Variants in UBE3B observed in about 807,000 individuals in gnomAD.
The protein encoded by UBE3B is ubiquitin-protein ligase E3B.
In UBE3B, 80 loss-of-function variants were observed where a neutral mutation model predicts 132.3. That is an observed-to-expected ratio of 0.60 (90% confidence interval 0.50 to 0.73). UBE3B has a LOEUF of 0.73. Ranked by LOEUF, UBE3B falls within the 30% of genes least tolerant of loss-of-function variation. UBE3B has a pLI of 0.00. For missense variants in UBE3B, 1,196 were observed against 1,362.5 expected, an observed-to-expected ratio of 0.88 and a Z score of 1.92; for synonymous variants, 487 against 520.4, an observed-to-expected ratio of 0.94 and a Z score of 0.87.
intron 18 of UBE3B, among the ~76,000 whole-genome samples, chr12:109,512,323 G>A (rs1290437315): frequency 5.3e-5 from 8 of 152,128 alleles, no homozygotes; most frequent in Admixed American, 2.0e-4. Flanking sequence ...TGCAGGACCC[G>A]TCCCACAGAG....
intron 24 of UBE3B, among the ~76,000 whole-genome samples, chr12:109,527,800 G>T (rs1566113134): frequency 6.6e-6 from 1 of 152,212 alleles, no homozygotes; most frequent in Non-Finnish European, 1.5e-5. Flanking sequence ...CTTTAGGGGG[G>T]TGCTTGTAGG....
chr12:109,543,925 C>T, the UBE3B span, among the ~76,000 whole-genome samples: 1 of 152,050 alleles, frequency 6.6e-6, no homozygotes, highest in African/African-American at 2.4e-5. Flanking sequence ...CAAAGCAAGC[C>T]TAGCAGTGTA....
At position 109,490,023 on chromosome 12, in the gene UBE3B, C is replaced by A. The variant is rs201243745; in HGVS notation, c.630+19C>A. 233 of 1,611,162 alleles carry A rather than the reference C, an allele frequency of 1.4e-4. No individual in the cohort carries two copies. The East Asian group carries it at 1.5e-3, about 10-fold the overall frequency. On this transcript the variant is annotated intron_variant, in intron 8 of 27. Coordinates refer to ENST00000342494, the MANE Select transcript of UBE3B (RefSeq NM_130466.4). ...GCTGCAGGTCTGTGACTCCTGCCCC[C>A]CAGTGTGCAACTTCTCCACTCTCCA...
chr12:109,494,602 A>T (rs1338575654), intron 9 of UBE3B, among the ~76,000 whole-genome samples: 1 of 152,230 alleles, frequency 6.6e-6, no homozygotes, highest in Non-Finnish European at 1.5e-5. Context: ...CAGTGCACTT[A>T]TAGACTTTGT....
the UBE3B span, among the ~76,000 whole-genome samples, chr12:109,547,064 T>C: frequency 6.7e-6 from 1 of 150,204 alleles, no homozygotes; most frequent in African/African-American, 2.5e-5. The surrounding 1 kb of genome is among the most constrained non-coding windows in gnomAD (Gnocchi z 4.1). Context: ...AATAAGATAA[T>C]TTCTGGTGTG....
intron 14 of UBE3B, among the ~76,000 whole-genome samples, chr12:109,505,730 G>C (rs1038265015): frequency 1.3e-5 from 2 of 152,172 alleles, no homozygotes; most frequent in African/African-American, 4.8e-5. Context: ...TCACTAAATT[G>C]ATACAATTCT....
At chr12:109,508,779 G>C (rs1379030219) in intron 15 of UBE3B, 1 of 977,660 alleles carries the variant, frequency 1.0e-6, no homozygotes, top group Non-Finnish European at 1.2e-6. Context: ...TGTTCAGATA[G>C]AGCTGTGTCT....
intron 19 of UBE3B, chr12:109,518,088 C>T (rs955843156): frequency 1.1e-5 from 3 of 277,250 alleles, no homozygotes; most frequent in Non-Finnish European, 2.3e-5. Flanking sequence ...GAGTGGGTCT[C>T]ATTACAGGAG....
In UBE3B at chr12:109,526,012, T is replaced by C. The variant is rs549377592; in HGVS notation, c.2569-346T>C. On this transcript the variant is annotated intron_variant, in intron 23 of 27. Coordinates refer to ENST00000342494, the MANE Select transcript of UBE3B (RefSeq NM_130466.4). ...TTAGTAAACGCACATTTTCATCATA[T>C]TGTTTAGTACCTGCACAGTATTCCA... Among the ~76,000 whole-genome samples the C allele has an allele frequency of 5.3e-5, 8 of 152,332 alleles. No homozygotes were observed. In the South Asian group the frequency reaches 8.3e-4, roughly 16 times the overall value.
chr12:109,523,553 C>G (rs1374637422), intron 21 of UBE3B, among the ~76,000 whole-genome samples: 1 of 152,218 alleles, frequency 6.6e-6, no homozygotes, highest in Non-Finnish European at 1.5e-5. Context: ...AGCTCCCCAA[C>G]TCTGCCTTTG....
At chr12:109,524,534 C>T (rs763887553) in intron 23 of UBE3B, 31 bp downstream of exon 23, 11 of 1,611,228 alleles carry the variant, frequency 6.8e-6, no homozygotes, top group South Asian at 4.4e-5. Flanking sequence ...AGCTCCCTTT[C>T]CACTGCCCCC....
chr12:109,508,442 C>T (rs190300905), intron 15 of UBE3B: 181 of 900,772 alleles, frequency 2.0e-4, no homozygotes, highest in Middle Eastern at 5.6e-4. Context: ...GGGAAATTAA[C>T]AAACATTAGT....
rs1281814002 is a variant in UBE3B, at chr12:109,522,049, A to G, written c.2364+498A>G. Among the ~76,000 whole-genome samples the G allele has an allele frequency of 3.3e-5, 5 of 152,334 alleles. No homozygotes were observed. The highest frequency in any genetic ancestry group is 1.2e-4 in the African/African-American group (5 of 41,580). On this transcript the variant is annotated intron_variant, in intron 21 of 27. Transcript: ENST00000342494. The surrounding 1 kb of genome is among the most constrained non-coding windows in gnomAD (Gnocchi z 4.2). ...TGCTTCCCAGCCATGGCAACAGGAC[A>G]GGACCAGCTGTTCCTAGTCAGCCGT...
intron 1 of UBE3B, among the ~76,000 whole-genome samples, chr12:109,480,155 T>C (rs1875114918): frequency 6.6e-6 from 1 of 151,848 alleles, no homozygotes; most frequent in Non-Finnish European, 1.5e-5. Flanking sequence ...CAGAGAACCT[T>C]AGTAACTGTC....
At chr12:109,542,791 A>G in the UBE3B span, among the ~76,000 whole-genome samples, 3 of 152,222 alleles carry the variant, frequency 2.0e-5, no homozygotes, top group Non-Finnish European at 4.4e-5. Context: ...AACCCTGTGA[A>G]TCTCTTGATT....
intron 26 of UBE3B, 58 bp from the exon 27 acceptor site, chr12:109,533,408 C>T (rs1474972305): frequency 1.4e-6 from 2 of 1,459,542 alleles, no homozygotes; most frequent in African/African-American, 1.4e-5. Context: ...GCTGCAAGGG[C>T]CCGTCCTGGA....
Position 109,486,476 on chromosome 12 carries a change from G to T in UBE3B, c.348G>T (p.Trp116Cys), listed in dbSNP as rs1441740882. Residue 116 changes from tryptophan to cysteine, a missense_variant, in exon 6 of 28, where the codon TGG (tryptophan) becomes TGT (cysteine). Coordinates refer to ENST00000342494, the MANE Select transcript of UBE3B (RefSeq NM_130466.4). ...SMDAENEPKV[W>C]YVSLACSKDL... Reference sequence around the variant, plus strand: ...CCTCTTTTTCCCACCTATAGGTGTGGTATGTGTCCCTGGCTTGTTCTAAGG... The same window carrying T: ...CCTCTTTTTCCCACCTATAGGTGTGTTATGTGTCCCTGGCTTGTTCTAAGG... 6 of 1,586,410 alleles carry T rather than the reference G, an allele frequency of 3.8e-6. No homozygotes were observed. Among genetic ancestry groups the T allele is most frequent in the Non-Finnish European group, 5.1e-6 (6 of 1,166,686 alleles).
At chr12:109,500,289 TAGA>T (rs1218829752) in intron 12 of UBE3B, among the ~76,000 whole-genome samples, 1 of 152,222 alleles carries the variant, frequency 6.6e-6, no homozygotes, top group African/African-American at 2.4e-5. Flanking sequence ...AACACTAGAC[TAGA>T]AGAAGGGAGA....
At chr12:109,515,456 G>C (rs528440126) in intron 18 of UBE3B, among the ~76,000 whole-genome samples, 1 of 151,232 alleles carries the variant, frequency 6.6e-6, no homozygotes, top group African/African-American at 2.4e-5. Context: ...CACAACCTGC[G>C]CCTCCCAAGT....
Sources: gnomAD v4.1 joint callset for allele counts (sites outside exome capture counted in the v4.1 genomes callset) on GRCh38, gnomAD v4.1.1 for gene constraint, Gnocchi (gnomAD v3.1) non-coding constraint, MANE v1.5 for transcripts, NCBI Gene and HGNC (gene_info 2026-07-23, HGNC 2026-07-21) for gene names.